The following UGP2 variants were observed in gnomAD, a reference collection of about 807,000 sequenced individuals.
The protein encoded by UGP2 is UDP-glucose pyrophosphorylase 2.
Under a neutral mutation model 49.0 loss-of-function variants are expected in UGP2, and 40 were observed. The ratio of observed to expected loss-of-function variants is 0.82; its 90% confidence interval spans 0.63 to 1.06. The LOEUF (loss-of-function observed/expected upper bound fraction) is 1.06. UGP2 is among the 50% of genes least tolerant of loss of function. UGP2 has a pLI of 0.00. For synonymous variants in UGP2, 225 were observed against 213.0 expected (o/e 1.06, Z -0.49); for missense variants, 460 against 603.5 (o/e 0.76, Z 2.49).
At chr2:63,876,804 G>T (rs1398817491) in intron 3 of UGP2, among the ~76,000 whole-genome samples, 2 of 152,106 alleles carry the variant, frequency 1.3e-5, no homozygotes, top group Non-Finnish European at 2.9e-5. Flanking sequence ...TTATTGACTT[G>T]GTTTTTGAAT....
At chr2:63,881,381 T>C (rs1671299814) in intron 3 of UGP2, among the ~76,000 whole-genome samples, 1 of 144,570 alleles carries the variant, frequency 6.9e-6, no homozygotes, top group Non-Finnish European at 1.5e-5. Context: ...ACACACACGT[T>C]CCTACGGTAG....
chr2:63,862,713 T>G (rs1412194334), intron 3 of UGP2: 1 of 420,412 alleles, frequency 2.4e-6, no homozygotes, highest in Non-Finnish European at 4.8e-6. Context: ...AAAATCAGAG[T>G]GTGGGTTTAG....
intron 3 of UGP2, among the ~76,000 whole-genome samples, chr2:63,865,450 G>A (rs1670118134): frequency 1.3e-5 from 2 of 151,834 alleles, no homozygotes; most frequent in Non-Finnish European, 2.9e-5. Context: ...TATGAATGTG[G>A]TTCAGGAGAT....
At chr2:63,847,274 C>T (rs2104245422) in intron 1 of UGP2, among the ~76,000 whole-genome samples, 1 of 152,282 alleles carries the variant, frequency 6.6e-6, no homozygotes, top group East Asian at 1.9e-4. Context: ...ATATGTTTCA[C>T]AGAGACCCTT....
chr2:63,890,054 A>G, intron 8 of UGP2, 27 bp from the exon 9 acceptor site: 1 of 1,561,960 alleles, frequency 6.4e-7, no homozygotes, highest in South Asian at 1.2e-5. Flanking sequence ...TTTGAGACAA[A>G]TTTTTATGTT....
intron 1 of UGP2, chr2:63,855,522 T>TTTTTTTTTTTTTTTTTC: frequency 4.1e-5 from 2 of 48,876 alleles, no homozygotes; most frequent in South Asian, 1.7e-4. Context: ...CTTTTTCTGT[T>TTTTTTTTTTTTTTTTTC]TTTTTTTTTT....
upstream of UGP2, among the ~76,000 whole-genome samples, chr2:63,841,489 C>T (rs1671530103): frequency 6.6e-6 from 1 of 151,986 alleles, no homozygotes; most frequent in South Asian, 2.1e-4. Context: ...GGCAGCGTAG[C>T]CTTCGGCCCC....
intron 9 of UGP2, 69 bp from the exon 10 acceptor site, chr2:63,891,051 T>G: frequency 7.6e-7 from 1 of 1,321,484 alleles, no homozygotes; most frequent in Non-Finnish European, 1.0e-6. Context: ...TACATAAACT[T>G]GATCACTGTA....
Position 63,875,977 on chromosome 2 carries a change from C to G in UGP2, c.256-6489C>G, listed in dbSNP as rs573276260. Among the ~76,000 whole-genome samples, 4 of 152,204 alleles carry G rather than the reference C, an allele frequency of 2.6e-5. No homozygotes were observed. The East Asian group carries it at 7.7e-4, about 29-fold the overall frequency. On this transcript the variant is annotated intron_variant, in intron 3 of 9. Transcript: ENST00000337130. ...TAGTATGTGATGTTCCCTGTGTTGT[C>G]TCTGAACACTAGCCATCTTTGCTTG...
At chr2:63,879,319 CATT>C (rs1387128845) in intron 3 of UGP2, among the ~76,000 whole-genome samples, 3 of 152,086 alleles carry the variant, frequency 2.0e-5, no homozygotes, top group Middle Eastern at 3.2e-3. Flanking sequence ...TATTTGAAAA[CATT>C]GTTATATATA....
intron 3 of UGP2, among the ~76,000 whole-genome samples, chr2:63,859,496 G>A (rs1158633688): frequency 6.6e-6 from 1 of 152,020 alleles, no homozygotes; most frequent in African/African-American, 2.4e-5. Flanking sequence ...TATATAGTAG[G>A]GATTCTTGAA....
In UGP2 at chr2:63,891,154, G is replaced by C. The variant is rs931490069; in HGVS notation, c.1454G>C (p.Arg485Thr). ...TVIIIANHGD[R>T]IDIPPGAVLE... is the part of the protein sequence containing the mutation. ...ATCATCATTGCAAATCATGGTGACAGAATTGATATCCCACCTGGAGCAGTA... is the reference window on the plus strand; with the variant it reads ...ATCATCATTGCAAATCATGGTGACACAATTGATATCCCACCTGGAGCAGTA... The change falls in exon 10 of 10, where the codon AGA becomes ACA. Residue 485 changes from arginine to threonine, a missense_variant. Around this residue, in one of 2 missense-constraint regions of UGP2, gnomAD observed 317 missense variants for 473.0 expected, o/e 0.67. Coordinates refer to ENST00000337130, the MANE Select transcript of UGP2 (RefSeq NM_006759.4). 14 of 1,613,692 alleles carry C rather than the reference G, an allele frequency of 8.7e-6. No homozygotes were observed. Among genetic ancestry groups the C allele is most frequent in the Non-Finnish European group, 1.2e-5 (14 of 1,179,794 alleles).
intron 3 of UGP2, among the ~76,000 whole-genome samples, chr2:63,879,717 A>C (rs1671160812): frequency 6.6e-6 from 1 of 152,040 alleles, no homozygotes; most frequent in Non-Finnish European, 1.5e-5. Context: ...TAAAAATGTT[A>C]TTCTTTCAAC....
chr2:63,858,100 C>G (rs1669575938), intron 3 of UGP2, 164 bp downstream of exon 3: 1 of 617,776 alleles, frequency 1.6e-6, no homozygotes, highest in Non-Finnish European at 2.8e-6. Context: ...AGACAGCCTT[C>G]AGCTCCTTTC....
At chr2:63,856,061 C>G in intron 1 of UGP2, 1 of 357,874 alleles carries the variant, frequency 2.8e-6, no homozygotes. Context: ...AACGTCGATA[C>G]AGGGAAGTAG....
intron 3 of UGP2, among the ~76,000 whole-genome samples, chr2:63,864,181 G>A (rs538604131): frequency 6.6e-6 from 1 of 152,258 alleles, no homozygotes; most frequent in East Asian, 1.9e-4. Flanking sequence ...CTTTATGTTT[G>A]TGATTTCATT....
At chr2:63,888,839 CTG>C (rs1207562582) in intron 8 of UGP2, 2 of 152,234 alleles carry the variant, frequency 1.3e-5, no homozygotes, top group Non-Finnish European at 2.9e-5. Context: ...ACAGCACTAT[CTG>C]TGGACCTGCT....
rs763234754 is a variant in UGP2 at position 63,842,540 on chromosome 2, T to C, written c.19+336T>C. 3 of 1,522,988 alleles carry C rather than the reference T, an allele frequency of 2.0e-6. No homozygotes were observed. The South Asian group carries it at 3.6e-5, about 18-fold the overall frequency. The allele number at this position is 1,522,988 out of a possible 1,614,324, so 94.3% of individuals were successfully genotyped here. A position where few individuals can be genotyped will look rare whatever the true frequency, so the allele number is the denominator to read the frequency against. On this transcript the variant is annotated intron_variant, in intron 1 of 9. Coordinates refer to ENST00000337130, the MANE Select transcript of UGP2 (RefSeq NM_006759.4). ...TCTCTTTTCCTGGTCTGTGTCAAGG[T>C]ACCTGTGCGTGCACGCAGACGGGAA...
chr2:63,873,094 A>C (rs1479729284), intron 3 of UGP2, among the ~76,000 whole-genome samples: 1 of 152,222 alleles, frequency 6.6e-6, no homozygotes, highest in Non-Finnish European at 1.5e-5. Context: ...ACACACATGA[A>C]CCACTCAGCT....
Sources: gnomAD v4.1 joint callset for allele counts (sites outside exome capture counted in the v4.1 genomes callset) on GRCh38, gnomAD v4.1.1 for gene constraint, gnomAD v4.1.1 regional missense constraint, MANE v1.5 for transcripts, NCBI Gene and HGNC (gene_info 2026-07-23, HGNC 2026-07-21) for gene names.